Variants in CC2D2A observed in about 807,000 individuals in gnomAD.
CC2D2A encodes coiled-coil and C2 domain containing 2A, also known as coiled-coil and C2 domain-containing protein 2A.
Under a neutral mutation model 212.9 loss-of-function variants are expected in CC2D2A, and 155 were observed. The observed-to-expected ratio is 0.73, with a 90% confidence interval of 0.64 to 0.83. CC2D2A has a LOEUF of 0.83. Among genes scored for constraint, CC2D2A ranks in the 40% least tolerant of loss-of-function variants. The pLI is 0.00. For missense variants in CC2D2A, 1,856 were observed against 1,956.2 expected (o/e 0.95, Z 0.97); for synonymous variants, 667 against 686.5 (o/e 0.97, Z 0.44).
intron 33 of CC2D2A, among the ~76,000 whole-genome samples, chr4:15,592,189 T>C (rs916102742): frequency 5.3e-5 from 8 of 152,196 alleles, no homozygotes; most frequent in Admixed American, 6.6e-5. Context: ...TCCATCCAAC[T>C]AGCTCCTCTA....
chr4:15,515,684 T>C (rs569210773), intron 9 of CC2D2A, among the ~76,000 whole-genome samples, 184 bp from the exon 10 acceptor site: 1 of 152,358 alleles, frequency 6.6e-6, no homozygotes, highest in East Asian at 1.9e-4. Flanking sequence ...TACCTGATTC[T>C]ACAACATACT....
chr4:15,480,589 C>A, intron 3 of CC2D2A, 115 bp from the exon 4 acceptor site: 1 of 1,153,796 alleles, frequency 8.7e-7, no homozygotes, highest in Non-Finnish European at 1.1e-6. Flanking sequence ...CTGTGGTTAT[C>A]CAGATGTGAA....
At chr4:15,561,766 G>C (rs184850648) in intron 23 of CC2D2A, among the ~76,000 whole-genome samples, 1 of 152,154 alleles carries the variant, frequency 6.6e-6, no homozygotes, top group Non-Finnish European at 1.5e-5. Context: ...GACAATGGAA[G>C]AGTGTTGTCA....
chr4:15,589,467 G>T, intron 32 of CC2D2A, 78 bp from the exon 33 acceptor site: 1 of 1,236,420 alleles, frequency 8.1e-7, no homozygotes, highest in Non-Finnish European at 1.1e-6. Context: ...GTAAAATAAT[G>T]AATTGTCTGT....
At chr4:15,522,415 A>G (rs566793001) in intron 11 of CC2D2A, among the ~76,000 whole-genome samples, 2 of 152,058 alleles carry the variant, frequency 1.3e-5, no homozygotes, top group African/African-American at 2.4e-5. Flanking sequence ...ATACTATGCT[A>G]TTGACTCAAA....
intron 33 of CC2D2A, among the ~76,000 whole-genome samples, chr4:15,594,298 C>T (rs564010424): frequency 6.6e-6 from 1 of 152,188 alleles, no homozygotes; most frequent in Admixed American, 6.6e-5. Flanking sequence ...TTGTTTTCTC[C>T]ACAGCCCTTG....
chr4:15,511,771 GTC>G (rs1172170667), intron 8 of CC2D2A: 1 of 156,768 alleles, frequency 6.4e-6, no homozygotes, highest in East Asian at 1.8e-4. Context: ...TGAAATCTTG[GTC>G]TCTCTCTTAC....
rs538922641 is a variant in CC2D2A, at chr4:15,550,901, C to T, written c.2259C>T (p.Val753=). The change falls in exon 18 of 37, where the codon GTC becomes GTT. Residue 753 remains valine, a synonymous_variant. Transcript: ENST00000424120. The part of the protein sequence containing the change: ...VFLPIPETTV[V]TGRAPTEEVE... ...TGCCTATTCCTGAGACTACTGTTGTCACTGGAAGGGCTCCTACTGAAGAAG... is the reference window on the plus strand; with the variant it reads ...TGCCTATTCCTGAGACTACTGTTGTTACTGGAAGGGCTCCTACTGAAGAAG... 9.2e-5 allele frequency: 148 copies of T among 1,609,458 alleles called. No individual in the cohort carries two copies. In the South Asian group the frequency reaches 1.6e-3, roughly 17 times the overall value.
intron 30 of CC2D2A, among the ~76,000 whole-genome samples, chr4:15,583,334 T>C (rs1240576928): frequency 2.0e-5 from 3 of 152,174 alleles, no homozygotes; most frequent in Non-Finnish European, 4.4e-5. Flanking sequence ...AAGTTCTAGC[T>C]AGAGCAATGA....
Position 15,550,914 on chromosome 4 carries a change from C to T in CC2D2A, c.2272C>T (p.Pro758Ser), listed in dbSNP as rs771035854. ...PETTVVTGRA[P>S]TEEVEFSSNQ... Reference sequence around the variant, plus strand: ...GACTACTGTTGTCACTGGAAGGGCTCCTACTGAAGAAGTGGAGTTTAGCAG... The same window carrying T: ...GACTACTGTTGTCACTGGAAGGGCTTCTACTGAAGAAGTGGAGTTTAGCAG... Residue 758 changes from proline (P) to serine (S), a missense_variant, in exon 18 of 37, where the codon CCT becomes TCT. Coordinates refer to ENST00000424120, the MANE Select transcript of CC2D2A (RefSeq NM_001378615.1). The T allele has an allele frequency of 1.7e-5, 27 of 1,609,426 alleles. No individual in the cohort carries two copies. Among genetic ancestry groups the T allele is most frequent in the Non-Finnish European group, 2.6e-6 (3 of 1,176,390 alleles).
intron 4 of CC2D2A, among the ~76,000 whole-genome samples, chr4:15,486,071 T>C (rs1041597922): frequency 6.6e-6 from 1 of 152,194 alleles, no homozygotes; most frequent in African/African-American, 2.4e-5. Context: ...GCTAGTATTT[T>C]GTTGATGATT....
rs144502190 is a variant in CC2D2A, at chr4:15,502,371, TTTTTC to T, written c.248-48_248-44del. On this transcript the variant is annotated intron_variant, in intron 4 of 36. Transcript: ENST00000424120. ...GGGAATTGTTTTAAAGTAATTTTCC[TTTTTC>T]TTTTCTTTTTCTTTTTTTTTTATTT... is the stretch of plus-strand genomic sequence containing the variant. 2.2e-6 allele frequency: 3 copies of T among 1,384,504 alleles called. No homozygotes were observed. In the African/African-American group the frequency reaches 4.5e-5, roughly 21 times the overall value. The allele number at this position is 1,384,504 out of a possible 1,614,324, so 85.8% of individuals were successfully genotyped here.
At chr4:15,549,595 G>A (rs1448482660) in intron 17 of CC2D2A, among the ~76,000 whole-genome samples, 1 of 152,200 alleles carries the variant, frequency 6.6e-6, no homozygotes, top group Admixed American at 6.5e-5. Context: ...TTGAGGTCAG[G>A]AGTTTGAGAC....
rs1721311855 is a variant in CC2D2A at position 15,596,179 on chromosome 4, T to G, written c.4409T>G (p.Leu1470Arg). 3 of 1,548,210 alleles carry G rather than the reference T, an allele frequency of 1.9e-6. No homozygotes were observed. Among genetic ancestry groups the G allele is most frequent in the Admixed American group, 2.0e-5 (1 of 50,678 alleles). ...TGGAAATCTTTCTTTTCAAGAAGCCTTCCATATCCTGGCCTTTCCAGTGTT... is the reference window on the plus strand; with the variant it reads ...TGGAAATCTTTCTTTTCAAGAAGCCGTCCATATCCTGGCCTTTCCAGTGTT... ...KLWKSFFSRS[L>R]PYPGLSSVQP... Residue 1470 changes from leucine (L) to arginine (R), a missense_variant, in exon 34 of 37, where the codon CTT (leucine) becomes CGT (arginine). Transcript: ENST00000424120.
At chr4:15,576,669 AG>A (rs1168219340) in intron 29 of CC2D2A, 1 of 152,682 alleles carries the variant, frequency 6.5e-6, no homozygotes, top group East Asian at 1.9e-4. Context: ...AATAGTTATT[AG>A]GCTTTAATTA....
At chr4:15,552,467 T>C (rs376768818) in intron 18 of CC2D2A, among the ~76,000 whole-genome samples, 1 of 152,158 alleles carries the variant, frequency 6.6e-6, no homozygotes, top group East Asian at 1.9e-4. Context: ...TTATCCCCTC[T>C]CCACTCTCCA....
intron 11 of CC2D2A, among the ~76,000 whole-genome samples, chr4:15,520,318 G>A (rs1717132788): frequency 6.6e-6 from 1 of 152,028 alleles, no homozygotes; most frequent in South Asian, 2.1e-4. Flanking sequence ...ACAAAACAAG[G>A]GTAAAGATAA....
At chr4:15,550,282 A>C (rs1395311303) in intron 17 of CC2D2A, among the ~76,000 whole-genome samples, 1 of 152,224 alleles carries the variant, frequency 6.6e-6, no homozygotes, top group Non-Finnish European at 1.5e-5. Context: ...AGATCTGAGA[A>C]AAATCTGGAG....
chr4:15,590,194 G>A (rs1401584198), intron 33 of CC2D2A, among the ~76,000 whole-genome samples: 1 of 152,056 alleles, frequency 6.6e-6, no homozygotes, highest in Non-Finnish European at 1.5e-5. Context: ...TATTGTGAAG[G>A]GTACTAAATA....
Sources: gnomAD v4.1 joint callset for allele counts (sites outside exome capture counted in the v4.1 genomes callset) on GRCh38, gnomAD v4.1.1 for gene constraint, MANE v1.5 for transcripts, NCBI Gene and HGNC (gene_info 2026-07-23, HGNC 2026-07-21) for gene names.